TTLL1: variants seen among roughly 807,000 people sequenced by gnomAD.
The protein encoded by TTLL1 is TTL family tubulin polyglutamylase complex subunit L1, also known as polyglutamylase complex subunit TTLL1.
Under a neutral mutation model 47.8 loss-of-function variants are expected in TTLL1, and 33 were observed. The ratio of observed to expected loss-of-function variants is 0.69; its 90% CI spans 0.52 to 0.92. The LOEUF (loss-of-function observed/expected upper bound fraction) is 0.92, where lower values mean the gene tolerates loss of function less well. TTLL1 is among the 40% of genes least tolerant of loss of function. The probability of loss-of-function intolerance (pLI) is 0.00; values close to 1 mark genes in which losing one functional copy is unlikely to be tolerated. For missense variants in TTLL1, 488 were observed against 547.5 expected (o/e 0.89, Z 1.08); for synonymous variants, 225 against 214.1 (o/e 1.05, Z -0.45).
In TTLL1 at chr22:43,045,470, ATTTTTT is replaced by A. The variant is rs57003421; in HGVS notation, c.1142+934_1142+939del. Among the ~76,000 whole-genome samples, 435 of 107,982 alleles carry A rather than the reference ATTTTTT, an allele frequency of 4.0e-3. 2 individuals carry two copies. Among genetic ancestry groups the A allele is most frequent in the African/African-American group, 0.015 (418 of 27,118 alleles). 70.8% of individuals were successfully genotyped at this position (107,982 alleles called of 152,430 possible). A position where few individuals can be genotyped will look rare whatever the true frequency, so the allele number is the denominator to read the frequency against. On this transcript the variant is annotated intron_variant, in intron 10 of 10. Coordinates refer to ENST00000266254, the MANE Select transcript of TTLL1 (RefSeq NM_012263.5). ...CTGTAAAATAGATCTTATTATACCC[ATTTTTT>A]TTTTTTTTTTTTTTTGTAGAGATGG...
chr22:43,063,932 A>G lies in TTLL1; in HGVS notation c.639-11T>C, dbSNP rs369063306. 2 of 1,610,912 alleles carry G rather than the reference A, an allele frequency of 1.2e-6. No individual in the cohort carries two copies. Among genetic ancestry groups the G allele is most frequent in the African/African-American group, 2.7e-5 (2 of 74,854 alleles). On this transcript the variant is annotated splice_polypyrimidine_tract_variant and intron_variant, in intron 6 of 10. Coordinates refer to ENST00000266254, the MANE Select transcript of TTLL1 (RefSeq NM_012263.5). Reference sequence around the variant, plus strand: ...AACCCAAGCTTGTACCTAGGAGGGAATGTAGATTAATTCAAACTCTGAGGA... The same window carrying G: ...AACCCAAGCTTGTACCTAGGAGGGAGTGTAGATTAATTCAAACTCTGAGGA...
intron 6 of TTLL1, 108 bp downstream of exon 6, chr22:43,064,082 A>G: frequency 6.5e-7 from 1 of 1,531,704 alleles, no homozygotes; most frequent in Non-Finnish European, 8.8e-7. Context: ...GCCCCGTGCC[A>G]GGCACCGCAC....
intron 1 of TTLL1, among the ~76,000 whole-genome samples, chr22:43,081,180 T>C (rs1027173647): frequency 1.3e-5 from 2 of 151,886 alleles, no homozygotes; most frequent in Admixed American, 6.6e-5. Flanking sequence ...CCTCTCAAAG[T>C]GCTGGGATGA....
At chr22:43,058,006 C>T (rs934341343) in intron 8 of TTLL1, among the ~76,000 whole-genome samples, 7 of 151,274 alleles carry the variant, frequency 4.6e-5, no homozygotes, top group Non-Finnish European at 7.4e-5. Context: ...TGCAGTGGTA[C>T]GATCTCGGCT....
At chr22:43,086,510 C>T (rs1929237809) in intron 1 of TTLL1, among the ~76,000 whole-genome samples, 1 of 152,170 alleles carries the variant, frequency 6.6e-6, no homozygotes, top group African/African-American at 2.4e-5. Context: ...TCCACCCACA[C>T]AGCCCTGACA....
intron 1 of TTLL1, among the ~76,000 whole-genome samples, chr22:43,084,953 A>AGCT (rs1366401006): frequency 7.1e-6 from 1 of 141,832 alleles, no homozygotes; most frequent in Non-Finnish European, 1.5e-5. Flanking sequence ...TAAGAACAAA[A>AGCT]GCTGCCACCT....
intron 5 of TTLL1, among the ~76,000 whole-genome samples, chr22:43,065,015 G>T (rs904455066): frequency 6.6e-6 from 1 of 151,680 alleles, no homozygotes; most frequent in Middle Eastern, 3.2e-3. Flanking sequence ...CATGGGGGCG[G>T]GTGCCTGTAA....
At chr22:43,060,456 G>A (rs746783334) in intron 7 of TTLL1, among the ~76,000 whole-genome samples, 12 of 151,976 alleles carry the variant, frequency 7.9e-5, no homozygotes, top group Non-Finnish European at 1.2e-4. Context: ...TCAGCTTGCC[G>A]ACTTCTACCT....
At position 43,046,439 on chromosome 22, in the gene TTLL1, A is replaced by G. The variant is rs780261863; in HGVS notation, c.1113T>C (p.Pro371=). 2.7e-5 allele frequency: 44 copies of G among 1,614,098 alleles called. No homozygotes were observed. In the South Asian group the frequency reaches 3.1e-4, roughly 11 times the overall value. The change falls in exon 10 of 11, where the codon CCT becomes CCC. Residue 371 remains proline, a synonymous_variant. Transcript: ENST00000266254. The part of the protein sequence containing the change: ...IPDCKWNKSP[P]KEVLGNYEIL... ...TCTCGTAATTGCCGAGGACTTCCTT[A>G]GGTGGCGACTTGTTCCATTTGCAGT... is the stretch of plus-strand genomic sequence containing the variant.
chr22:43,046,701 C>T, intron 9 of TTLL1, 128 bp from the exon 10 acceptor site: 1 of 1,105,506 alleles, frequency 9.0e-7, no homozygotes, highest in African/African-American at 1.6e-5. Context: ...CAGAGTTTCG[C>T]TCTTGTTGCC....
intron 8 of TTLL1, among the ~76,000 whole-genome samples, chr22:43,057,954 T>A (rs866231193): frequency 0.032 from 3,214 of 101,948 alleles, 85 homozygotes; most frequent in African/African-American, 0.11. Flanking sequence ...ATATATATAT[T>A]TTTTTTTTTC....
intron 2 of TTLL1, among the ~76,000 whole-genome samples, chr22:43,077,862 T>C (rs1928611488): frequency 1.3e-5 from 2 of 152,114 alleles, no homozygotes; most frequent in Non-Finnish European, 2.9e-5. Flanking sequence ...ATCCCAGCAC[T>C]TTGAGAGGCC....
At chr22:43,042,629 A>T (rs1217661975) in intron 10 of TTLL1, among the ~76,000 whole-genome samples, 2 of 152,122 alleles carry the variant, frequency 1.3e-5, no homozygotes, top group East Asian at 3.9e-4. Flanking sequence ...GGCTCTGAGG[A>T]GTTGCTGTGG....
At chr22:43,081,560 A>T (rs545501805) in intron 1 of TTLL1, among the ~76,000 whole-genome samples, 1 of 151,164 alleles carries the variant, frequency 6.6e-6, no homozygotes. Flanking sequence ...TTATTTTTTT[A>T]TTTTTTTGAG....
intron 7 of TTLL1, 52 bp downstream of exon 7, chr22:43,063,761 C>T (rs1307896386): frequency 9.6e-6 from 15 of 1,565,840 alleles, no homozygotes; most frequent in East Asian, 2.2e-5. Flanking sequence ...CCACCACACC[C>T]GGCCTGAAAG....
At position 43,040,918 on chromosome 22, in the gene TTLL1, T is replaced by C. The variant is rs1044711924; in HGVS notation, c.1143-1013A>G. 3.9e-5 allele frequency among the ~76,000 whole-genome samples: 6 copies of C among 152,332 alleles called. 2 individuals are homozygous for C. Among genetic ancestry groups the C allele is most frequent in the African/African-American group, 2.4e-5 (1 of 41,588 alleles). On this transcript the variant is annotated intron_variant, in intron 10 of 10. Coordinates refer to ENST00000266254, the MANE Select transcript of TTLL1 (RefSeq NM_012263.5). The stretch of plus-strand genomic sequence containing the variant: ...CAGCATCTGGGCAAGTCCTGGGTCC[T>C]TCCCACAGTGGCGGGGCCCTTCTCT...
rs576745411 is a variant in TTLL1 at position 43,050,584 on chromosome 22, G to C, written c.978+1217C>G. On this transcript the variant is annotated intron_variant, in intron 9 of 10. Coordinates refer to ENST00000266254, the MANE Select transcript of TTLL1 (RefSeq NM_012263.5). Reference sequence around the variant, plus strand: ...TCACCCAAGGTTGGAGTGCAGTGGCGCGATCTCAGCTCACTGCAACCTCAG... The same window carrying C: ...TCACCCAAGGTTGGAGTGCAGTGGCCCGATCTCAGCTCACTGCAACCTCAG... Among the ~76,000 whole-genome samples, 28 of 150,678 alleles carry C rather than the reference G, an allele frequency of 1.9e-4. 1 individual carries two copies. The highest frequency in any genetic ancestry group is 1.5e-5 in the Non-Finnish European group (1 of 67,814).
At chr22:43,071,828 TG>T (rs1165415935) in intron 3 of TTLL1, among the ~76,000 whole-genome samples, 1 of 152,154 alleles carries the variant, frequency 6.6e-6, no homozygotes, top group Non-Finnish European at 1.5e-5. Flanking sequence ...TGGGATGAGC[TG>T]GGGGTCCCAG....
chr22:43,048,569 G>A (rs1926341293), intron 9 of TTLL1, among the ~76,000 whole-genome samples: 2 of 151,622 alleles, frequency 1.3e-5, no homozygotes, highest in African/African-American at 2.4e-5. Flanking sequence ...GAGCCCAGGA[G>A]TTCAAGTTGC....
Sources: gnomAD v4.1 joint callset for allele counts (sites outside exome capture counted in the v4.1 genomes callset) on GRCh38, gnomAD v4.1.1 for gene constraint, MANE v1.5 for transcripts, NCBI Gene and HGNC (gene_info 2026-07-23, HGNC 2026-07-21) for gene names.